ASTN2: variants seen among roughly 807,000 people sequenced by gnomAD.
ASTN2 encodes the protein astrotactin 2, also known as astrotactin-2.
Under a neutral mutation model 139.8 loss-of-function variants are expected in ASTN2, and 54 were observed. That is an observed-to-expected ratio of 0.39 (90% CI 0.31 to 0.48). ASTN2 has a LOEUF of 0.48. ASTN2 is among the 20% of genes least tolerant of loss of function. The pLI, the probability that ASTN2 is intolerant of heterozygous loss-of-function variation, is 0.95. For missense variants in ASTN2, 1,565 were observed against 1,725.1 expected (o/e 0.91, Z 1.64); for synonymous variants, 756 against 719.5 (o/e 1.05, Z -0.81).
intron 5 of ASTN2, among the ~76,000 whole-genome samples, chr9:117,089,837 G>A (rs1828661074): frequency 6.6e-6 from 1 of 152,146 alleles, no homozygotes; most frequent in Admixed American, 6.5e-5. Context: ...TCTCATCCAG[G>A]TTGTGGCAAA....
At position 117,353,427 on chromosome 9, in the gene ASTN2, G is replaced by T. The variant is rs1001667725; in HGVS notation, c.442+61070C>A. On this transcript the variant is annotated intron_variant, in intron 1 of 22. Coordinates refer to ENST00000313400, the MANE Select transcript of ASTN2 (RefSeq NM_001365068.1). ...ACTTGAAATCTGGCTACTGTGTGCT[G>T]GGCAACTAATATTTTAATTTTATTT... 2.6e-5 allele frequency among the ~76,000 whole-genome samples: 4 copies of T among 152,086 alleles called. No individual in the cohort carries two copies. The South Asian group carries it at 8.3e-4, about 32-fold the overall frequency.
intron 2 of ASTN2, among the ~76,000 whole-genome samples, chr9:117,236,731 G>A (rs1833056126): frequency 6.6e-6 from 1 of 152,156 alleles, no homozygotes; most frequent in South Asian, 2.1e-4. Context: ...CTCTACCATT[G>A]ATCCCATGCA....
rs145058076 is a variant in ASTN2, at chr9:117,269,374, C to T, written c.630+21952G>A. ...ATTTCCCCCAATGCATTTCCCCAAA[C>T]GCAAGAGTGCATATTTAATTACACT... On this transcript the variant is annotated intron_variant, in intron 2 of 22. Transcript: ENST00000313400. Among the ~76,000 whole-genome samples, 474 of 152,304 alleles carry T rather than the reference C, an allele frequency of 3.1e-3. 2 individuals carry two copies. Among genetic ancestry groups the T allele is most frequent in the African/African-American group, 0.011 (438 of 41,554 alleles).
At chr9:117,310,326 G>A (rs978990332) in intron 1 of ASTN2, among the ~76,000 whole-genome samples, 6 of 152,146 alleles carry the variant, frequency 3.9e-5, no homozygotes, top group Non-Finnish European at 7.3e-5. Flanking sequence ...CTCTGTTCCT[G>A]CATCTATCTT....
intron 19 of ASTN2, among the ~76,000 whole-genome samples, chr9:116,543,239 G>A (rs1851950314): frequency 1.3e-5 from 2 of 149,696 alleles, no homozygotes; most frequent in African/African-American, 2.5e-5. Flanking sequence ...GACCAGCCTG[G>A]GCAACATAAC....
intron 11 of ASTN2, among the ~76,000 whole-genome samples, chr9:116,839,291 G>C (rs1403090874): frequency 6.6e-6 from 1 of 152,006 alleles, no homozygotes; most frequent in Non-Finnish European, 1.5e-5. Flanking sequence ...GGGACTACAG[G>C]CATGTGCCAT....
chr9:116,662,298 T>C (rs1166947682), intron 16 of ASTN2, among the ~76,000 whole-genome samples: 2 of 152,054 alleles, frequency 1.3e-5, no homozygotes, highest in Non-Finnish European at 2.9e-5. Context: ...ACGGGCTGGG[T>C]GCAGTGGCTC....
chr9:117,314,816 A>C (rs972640093), intron 1 of ASTN2, among the ~76,000 whole-genome samples: 15 of 145,780 alleles, frequency 1.0e-4, no homozygotes, highest in Admixed American at 9.7e-4. Context: ...TATATATTTT[A>C]TATAACTATA....
In ASTN2 at chr9:117,371,312, C is replaced by T. The variant is rs556562507; in HGVS notation, c.442+43185G>A. On this transcript the variant is annotated intron_variant, in intron 1 of 22. Transcript: ENST00000313400. Reference sequence around the variant, plus strand: ...TTTTTCATTCCAAGTCAAACTCATCCCAACATAAAAACTAAAAGGGTCTAT... The same window carrying T: ...TTTTTCATTCCAAGTCAAACTCATCTCAACATAAAAACTAAAAGGGTCTAT... Among the ~76,000 whole-genome samples, 5 of 152,230 alleles carry T rather than the reference C, an allele frequency of 3.3e-5. No homozygotes were observed. In the South Asian group the frequency reaches 1.0e-3, roughly 32 times the overall value.
Position 117,214,627 on chromosome 9 carries a change from G to T in ASTN2, c.746C>A (p.Thr249Asn), listed in dbSNP as rs751349083. The T allele has an allele frequency of 3.2e-6, 5 of 1,585,886 alleles. No individual in the cohort carries two copies. The highest frequency in any genetic ancestry group is 3.5e-6 in the Non-Finnish European group (4 of 1,159,020). The change falls in exon 3 of 23, where the codon ACT becomes AAT. Residue 249 changes from threonine to asparagine, a missense_variant. By Grantham distance (65) the Thr-to-Asn change is moderately conservative (BLOSUM62 0). Transcript: ENST00000313400. ...AGATGGGATGTAGTGGATCTCATGA[G>T]TGGCTTCTGTGCTTGCGCTCTTCTG... is the stretch of plus-strand genomic sequence containing the variant. ...IPQKSASTEATHEIHYIPSVL... is the reference protein window; with the variant it reads ...IPQKSASTEANHEIHYIPSVL...
intron 6 of ASTN2, among the ~76,000 whole-genome samples, chr9:117,016,702 A>C (rs1415927152): frequency 7.2e-6 from 1 of 139,336 alleles, no homozygotes; most frequent in African/African-American, 2.8e-5. Context: ...TATATGTTAC[A>C]TATATATAGG....
intron 7 of ASTN2, among the ~76,000 whole-genome samples, chr9:116,981,806 T>C (rs912362734): frequency 3.3e-5 from 5 of 152,178 alleles, no homozygotes; most frequent in Admixed American, 1.3e-4. Context: ...AAAACATACA[T>C]GTATATGTTG....
intron 20 of ASTN2, among the ~76,000 whole-genome samples, chr9:116,473,432 T>A (rs1848879195): frequency 1.3e-5 from 2 of 152,152 alleles, no homozygotes; most frequent in Non-Finnish European, 1.5e-5. Context: ...AGGAAAGGCA[T>A]CTCTTGTTAC....
intron 13 of ASTN2, among the ~76,000 whole-genome samples, chr9:116,791,085 C>T (rs1194997370): frequency 6.6e-6 from 1 of 151,934 alleles, no homozygotes; most frequent in African/African-American, 2.4e-5. Flanking sequence ...AAACTCCTGG[C>T]CTCTAGTGAT....
intron 7 of ASTN2, among the ~76,000 whole-genome samples, chr9:117,005,155 A>T (rs1226162860): frequency 1.6e-5 from 2 of 121,666 alleles, no homozygotes; most frequent in Non-Finnish European, 3.2e-5. Flanking sequence ...GCATGATCTC[A>T]GTTCACTATA....
chr9:116,785,456 C>T (rs1187533536), intron 13 of ASTN2, among the ~76,000 whole-genome samples: 4 of 152,154 alleles, frequency 2.6e-5, no homozygotes, highest in East Asian at 1.9e-4. Context: ...TGGCTATTGA[C>T]GCCGGATGAT....
chr9:117,042,782 C>T (rs567847484), intron 5 of ASTN2, among the ~76,000 whole-genome samples: 23 of 152,252 alleles, frequency 1.5e-4, no homozygotes, highest in African/African-American at 5.1e-4. Flanking sequence ...AAACGTCAAC[C>T]TATTACCCCA....
intron 10 of ASTN2, among the ~76,000 whole-genome samples, chr9:116,935,568 C>A (rs553745751): frequency 3.3e-5 from 5 of 149,910 alleles, no homozygotes; most frequent in South Asian, 2.1e-4. Flanking sequence ...AAGCAAAAAG[C>A]AAAAAAAAGA....
intron 3 of ASTN2, among the ~76,000 whole-genome samples, chr9:117,152,097 C>T (rs1830338221): frequency 6.6e-6 from 1 of 152,104 alleles, no homozygotes; most frequent in Non-Finnish European, 1.5e-5. Flanking sequence ...ATAAATCTCC[C>T]TCAAGAATTG....
Sources: allele counts gnomAD v4.1 joint callset (sites outside exome capture counted in the v4.1 genomes callset), GRCh38; gene constraint gnomAD v4.1.1; transcripts MANE v1.5; gene names NCBI Gene and HGNC (gene_info 2026-07-23, HGNC 2026-07-21).